SLC2A9: variants seen among roughly 807,000 people sequenced by gnomAD.
SLC2A9 encodes solute carrier family 2 member 9, also known as solute carrier family 2, facilitated glucose transporter member 9.
Under a neutral mutation model 50.6 loss-of-function variants are expected in SLC2A9, and 39 were observed. That is an observed-to-expected ratio of 0.77 (90% CI 0.60 to 1.01). The LOEUF is 1.01. Among genes scored for constraint, SLC2A9 ranks in the 50% least tolerant of loss-of-function variants. SLC2A9 has a pLI of 0.00. For synonymous variants in SLC2A9, 324 were observed against 276.9 expected (o/e 1.17, Z -1.69); for missense variants, 686 against 677.6 (o/e 1.01, Z -0.14).
chr4:9,911,090 T>C (rs994935796), intron 7 of SLC2A9, among the ~76,000 whole-genome samples: 1 of 152,044 alleles, frequency 6.6e-6, no homozygotes, highest in Admixed American at 6.6e-5. Flanking sequence ...ATGGCACGTG[T>C]ATACCTATGT....
intron 10 of SLC2A9, among the ~76,000 whole-genome samples, chr4:9,864,277 TCTGGAAGG>T (rs1366802930): frequency 6.6e-6 from 1 of 152,158 alleles, no homozygotes; most frequent in African/African-American, 2.4e-5. Context: ...CCAGTTTTCT[TCTGGAAGG>T]CTGGTTTGAT....
chr4:9,955,494 CAAAAAAAAAA>C lies in SLC2A9; in HGVS notation c.682-13459_682-13450del, dbSNP rs71181004. On this transcript the variant is annotated intron_variant, in intron 5 of 11. Coordinates refer to ENST00000264784, the MANE Select transcript of SLC2A9 (RefSeq NM_020041.3). ...TGGGCCACAGAGCGAGACTCCGTCT[CAAAAAAAAAA>C]AAAAAAAAAAAAAAACTCCAAGTCA... 6.5e-3 allele frequency among the ~76,000 whole-genome samples: 155 copies of C among 23,668 alleles called. 48 individuals carry two copies. Among genetic ancestry groups the C allele is most frequent in the African/African-American group, 0.037 (136 of 3,652 alleles). The allele number at this position is 23,668 out of a possible 152,430, so 15.5% of individuals were successfully genotyped here. A position where few individuals can be genotyped will look rare whatever the true frequency, so the allele number is the denominator to read the frequency against.
intron 3 of SLC2A9, among the ~76,000 whole-genome samples, chr4:9,799,673 T>C (rs1336890990): frequency 6.9e-6 from 1 of 145,410 alleles, no homozygotes; most frequent in East Asian, 2.0e-4. Flanking sequence ...TGCAGCTTTC[T>C]GAGCTCCATT....
chr4:9,859,962 G>A (rs1271270419), intron 10 of SLC2A9, among the ~76,000 whole-genome samples: 2 of 152,212 alleles, frequency 1.3e-5, no homozygotes, highest in African/African-American at 4.8e-5. Flanking sequence ...CCCAGCTCCT[G>A]AGGGTGTGGA....
At chr4:9,973,446 TC>T (rs1754245262) in intron 5 of SLC2A9, among the ~76,000 whole-genome samples, 2 of 152,054 alleles carry the variant, frequency 1.3e-5, no homozygotes, top group East Asian at 3.9e-4. Context: ...TTCTTTGAAA[TC>T]AGCATAACAC....
intron 8 of SLC2A9, among the ~76,000 whole-genome samples, chr4:9,893,196 G>A (rs187688119): frequency 1.3e-5 from 2 of 152,136 alleles, no homozygotes; most frequent in Admixed American, 1.3e-4. Flanking sequence ...CCCGAACAAG[G>A]GCACTGATCA....
At chr4:9,936,406 C>G (rs1747093663) in intron 6 of SLC2A9, among the ~76,000 whole-genome samples, 1 of 152,148 alleles carries the variant, frequency 6.6e-6, no homozygotes, top group South Asian at 2.1e-4. Context: ...CCCAGCTCTG[C>G]TAACTCTCAG....
rs554797325 is a variant in SLC2A9, at chr4:9,809,865, T to C, written n.421-10624A>G. ...AAGTTTTCTTTTCTTTTTTTTTTTTTTTAAATTCATGTGATATATTAAGTC... is the reference window on the plus strand; with the variant it reads ...AAGTTTTCTTTTCTTTTTTTTTTTTCTTAAATTCATGTGATATATTAAGTC... On this transcript the variant is annotated intron_variant and non_coding_transcript_variant, in intron 3 of 3. Transcript: ENST00000503280. 2.1e-5 allele frequency among the ~76,000 whole-genome samples: 3 copies of C among 143,294 alleles called. 1 individual carries two copies. In the South Asian group the frequency reaches 6.2e-4, roughly 30 times the overall value. 94.0% of individuals were successfully genotyped at this position (143,294 alleles called of 152,430 possible).
At chr4:9,896,186 T>C (rs538956399) in intron 8 of SLC2A9, among the ~76,000 whole-genome samples, 7 of 152,364 alleles carry the variant, frequency 4.6e-5, no homozygotes, top group African/African-American at 1.7e-4. Context: ...AAATGTTATC[T>C]GAAGGGGTTG....
intron 2 of SLC2A9, among the ~76,000 whole-genome samples, chr4:10,008,865 T>C (rs921591991): frequency 4.6e-5 from 7 of 151,896 alleles, no homozygotes; most frequent in African/African-American, 1.7e-4. Context: ...AGAATGTTTG[T>C]ATGTGTAGCT....
chr4:10,000,715 C>G (rs1050698670), intron 2 of SLC2A9, among the ~76,000 whole-genome samples: 6 of 152,178 alleles, frequency 3.9e-5, no homozygotes, highest in Non-Finnish European at 7.4e-5. Flanking sequence ...ACAAACTTCT[C>G]TTTATGTCCT....
At chr4:10,020,579 G>A (rs976211321) in intron 1 of SLC2A9, among the ~76,000 whole-genome samples, 2 of 152,192 alleles carry the variant, frequency 1.3e-5, no homozygotes, top group Non-Finnish European at 2.9e-5. Context: ...TGATGGAACA[G>A]AATCACATTT....
At chr4:9,836,596 G>T (rs998887580) in intron 10 of SLC2A9, among the ~76,000 whole-genome samples, 1 of 152,218 alleles carries the variant, frequency 6.6e-6, no homozygotes, top group African/African-American at 2.4e-5. Flanking sequence ...AGGCAGAGAG[G>T]AATGGGGTGA....
At chr4:9,783,076 G>A in intron 3 of SLC2A9, 1 of 1,614,190 alleles carries the variant, frequency 6.2e-7, no homozygotes, top group Non-Finnish European at 8.5e-7. Context: ...GGTTCGGCTG[G>A]GCTAACTCCT....
intron 2 of SLC2A9, among the ~76,000 whole-genome samples, chr4:9,999,418 T>C (rs944685954): frequency 2.0e-5 from 3 of 152,128 alleles, no homozygotes; most frequent in Non-Finnish European, 4.4e-5. Flanking sequence ...ACAAGCATAA[T>C]GCATATGTGT....
At chr4:9,946,552 C>T (rs964511236) in intron 5 of SLC2A9, among the ~76,000 whole-genome samples, 3 of 152,170 alleles carry the variant, frequency 2.0e-5, no homozygotes, top group East Asian at 1.9e-4. Context: ...CTCCATGCTG[C>T]TGGATTGGAA....
chr4:9,969,704 T>C (rs116779567), intron 5 of SLC2A9, among the ~76,000 whole-genome samples: 1,773 of 152,288 alleles, frequency 0.012, 47 homozygotes, highest in African/African-American at 0.04. Flanking sequence ...ATGTCTTACA[T>C]GGCGGCAGGC....
chr4:9,811,308 C>T (rs547364284), intron 3 of SLC2A9, among the ~76,000 whole-genome samples: 1 of 152,362 alleles, frequency 6.6e-6, no homozygotes, highest in South Asian at 2.1e-4. Context: ...AATTCTACTT[C>T]CCCTCTCCTT....
intron 10 of SLC2A9, among the ~76,000 whole-genome samples, chr4:9,875,690 G>A (rs900965830): frequency 2.0e-5 from 3 of 152,108 alleles, no homozygotes; most frequent in East Asian, 1.9e-4. Flanking sequence ...GCTCTTAACC[G>A]CTCTGAGTCT....
Sources: gnomAD v4.1 joint callset for allele counts (sites outside exome capture counted in the v4.1 genomes callset) on GRCh38, gnomAD v4.1.1 for gene constraint, MANE v1.5 for transcripts, NCBI Gene and HGNC (gene_info 2026-07-23, HGNC 2026-07-21) for gene names.